FBXO11: variants seen among roughly 807,000 people sequenced by gnomAD.
FBXO11 encodes the protein F-box protein 11.
A neutral mutation model predicts 117.0 loss-of-function variants in FBXO11; 13 were observed. That is an observed-to-expected ratio of 0.11 (90% CI 0.07 to 0.18). The LOEUF is 0.18. Ranked by LOEUF, FBXO11 falls within the 10% of genes least tolerant of loss-of-function variation. The pLI is 1.00. For missense variants in FBXO11, 767 were observed against 1,164.4 expected (o/e 0.66, Z 4.97); for synonymous variants, 490 against 380.5 (o/e 1.29, Z -3.35).
chr2:47,884,141 C>T (rs973159208), intron 1 of FBXO11, among the ~76,000 whole-genome samples: 1 of 152,144 alleles, frequency 6.6e-6, no homozygotes, highest in Non-Finnish European at 1.5e-5. Flanking sequence ...ATCACTTGAA[C>T]CCGGGAGGCA....
chr2:47,890,801 C>T (rs1677201062), intron 1 of FBXO11, among the ~76,000 whole-genome samples: 1 of 144,344 alleles, frequency 6.9e-6, no homozygotes, highest in Non-Finnish European at 1.6e-5. Context: ...GAGACCCTGT[C>T]TAAAAAAAAG....
chr2:47,864,975 C>G (rs1262880258), intron 1 of FBXO11, among the ~76,000 whole-genome samples: 2 of 152,160 alleles, frequency 1.3e-5, no homozygotes, highest in African/African-American at 4.8e-5. Context: ...AAACAAAACA[C>G]CTGGGCGCTT....
In FBXO11 at chr2:47,861,845, T is replaced by A. The variant is rs367701658; in HGVS notation, c.233-22076A>T. Reference sequence around the variant, plus strand: ...CTAAGGCCCATGTTGGCACAATGAATAGGGCACAGCTAAGACAACAGCAGA... The same window carrying A: ...CTAAGGCCCATGTTGGCACAATGAAAAGGGCACAGCTAAGACAACAGCAGA... On this transcript the variant is annotated intron_variant, in intron 1 of 22. Transcript: ENST00000403359. Among the ~76,000 whole-genome samples the A allele has an allele frequency of 2.8e-4, 43 of 152,138 alleles. No homozygotes were observed. In the South Asian group the frequency reaches 7.1e-3, roughly 25 times the overall value.
At chr2:47,825,555 A>AT (rs909181495) in intron 11 of FBXO11, among the ~76,000 whole-genome samples, 4 of 121,864 alleles carry the variant, frequency 3.3e-5, no homozygotes, top group Non-Finnish European at 5.1e-5. Context: ...TGTCTGGTGG[A>AT]TTTTTTCTTC....
At chr2:47,902,024 C>T (rs1260035721) in intron 1 of FBXO11, among the ~76,000 whole-genome samples, 1 of 152,208 alleles carries the variant, frequency 6.6e-6, no homozygotes. Flanking sequence ...CAACCTCAGC[C>T]TCCCGCGTTC....
At chr2:47,901,163 A>ACACG (rs758782451) in intron 1 of FBXO11, among the ~76,000 whole-genome samples, 4,035 of 132,436 alleles carry the variant, frequency 0.03, 217 homozygotes, top group Non-Finnish European at 0.05. Context: ...ACATATATAC[A>ACACG]TATATATGTA....
intron 16 of FBXO11, among the ~76,000 whole-genome samples, chr2:47,815,381 T>G (rs926572448): frequency 2.6e-5 from 4 of 152,090 alleles, no homozygotes; most frequent in Non-Finnish European, 5.9e-5. Context: ...ATGGCTGGGT[T>G]TGAGAGAAAG....
At chr2:47,874,275 T>C (rs1346901523) in intron 1 of FBXO11, among the ~76,000 whole-genome samples, 1 of 152,100 alleles carries the variant, frequency 6.6e-6, no homozygotes, top group African/African-American at 2.4e-5. Context: ...ACTGTAATTA[T>C]ATTTCTATTT....
At chr2:47,894,550 T>C (rs955585113) in intron 1 of FBXO11, among the ~76,000 whole-genome samples, 1 of 152,174 alleles carries the variant, frequency 6.6e-6, no homozygotes, top group African/African-American at 2.4e-5. Flanking sequence ...AGTATTTTTT[T>C]AAAATTCTTA....
intron 1 of FBXO11, chr2:47,865,868 T>C (rs1675156266): frequency 1.3e-5 from 2 of 152,150 alleles, no homozygotes; most frequent in South Asian, 4.1e-4. Flanking sequence ...AAATATTTAC[T>C]TCTGAGAACC....
intron 1 of FBXO11, 107 bp downstream of exon 1, chr2:47,905,382 C>A: frequency 2.8e-6 from 3 of 1,062,904 alleles, no homozygotes; most frequent in Non-Finnish European, 3.5e-6. Flanking sequence ...GGTCTCCCAC[C>A]CCCAGGGCGC....
intron 16 of FBXO11, 27 bp from the exon 17 acceptor site, chr2:47,813,894 A>G (rs1182709232): frequency 2.0e-6 from 3 of 1,520,506 alleles, no homozygotes; most frequent in East Asian, 2.3e-5. Flanking sequence ...CAATAATACC[A>G]TTTCAATAGC....
At chr2:47,873,002 T>C (rs111889686) in intron 1 of FBXO11, among the ~76,000 whole-genome samples, 1,946 of 152,232 alleles carry the variant, frequency 0.013, 33 homozygotes, top group African/African-American at 0.042. Flanking sequence ...CACAAGCAGT[T>C]AAAAGGGTCT....
intron 20 of FBXO11, 24 bp from the exon 21 acceptor site, chr2:47,809,290 A>G (rs1293141207): frequency 2.2e-6 from 3 of 1,392,890 alleles, no homozygotes; most frequent in Middle Eastern, 3.9e-4. Flanking sequence ...AAGAATAAGT[A>G]AAAATTCAGA....
At chr2:47,862,969 C>T (rs1056306495) in intron 1 of FBXO11, among the ~76,000 whole-genome samples, 1 of 151,142 alleles carries the variant, frequency 6.6e-6, no homozygotes, top group African/African-American at 2.4e-5. Context: ...GCAGGAGAAT[C>T]GCTTGAACCC....
intron 11 of FBXO11, among the ~76,000 whole-genome samples, chr2:47,824,363 G>A (rs771044837): frequency 6.6e-6 from 1 of 152,094 alleles, no homozygotes; most frequent in Non-Finnish European, 1.5e-5. Flanking sequence ...GTGGTGACAT[G>A]TGCCTATAAG....
At chr2:47,897,769 A>C (rs1044501353) in intron 1 of FBXO11, among the ~76,000 whole-genome samples, 4 of 152,010 alleles carry the variant, frequency 2.6e-5, no homozygotes. Context: ...CCACAATTCA[A>C]CTCAACCATC....
intron 1 of FBXO11, among the ~76,000 whole-genome samples, chr2:47,855,763 C>G (rs1038331738): frequency 2.0e-5 from 3 of 149,740 alleles, no homozygotes; most frequent in Non-Finnish European, 3.0e-5. Flanking sequence ...ACCTGGGAGG[C>G]AGAGGTTCCA....
At chr2:47,818,590 G>C (rs1671167078) in intron 16 of FBXO11, 189 bp downstream of exon 16, 13 of 529,742 alleles carry the variant, frequency 2.5e-5, no homozygotes, top group East Asian at 1.8e-4. Context: ...ATGTGCCAGT[G>C]GCTTCTGTCC....
Sources: allele counts gnomAD v4.1 joint callset (sites outside exome capture counted in the v4.1 genomes callset), GRCh38; gene constraint gnomAD v4.1.1; transcripts MANE v1.5; gene names NCBI Gene and HGNC (gene_info 2026-07-23, HGNC 2026-07-21).